EPHA6: variants seen among roughly 807,000 people sequenced by gnomAD.
EPHA6 encodes ephrin type-A receptor 6.
Under a neutral mutation model 112.0 loss-of-function variants are expected in EPHA6, and 50 were observed. The ratio of observed to expected loss-of-function variants is 0.45; its 90% CI spans 0.36 to 0.56. The LOEUF is 0.56. Among genes scored for constraint, EPHA6 ranks in the 20% least tolerant of loss-of-function variants. The pLI is 0.00. For missense variants in EPHA6, 1,280 were observed against 1,417.4 expected, an observed-to-expected ratio of 0.90 and a Z score of 1.56; for synonymous variants, 529 against 490.7, an observed-to-expected ratio of 1.08 and a Z score of -1.03.
chr3:96,896,771 G>A (rs990036813), intron 2 of EPHA6, among the ~76,000 whole-genome samples: 5 of 152,116 alleles, frequency 3.3e-5, no homozygotes, highest in African/African-American at 4.8e-5. Flanking sequence ...ATAACAAAAA[G>A]CAAGACTCTT....
rs1396473371 is a variant in EPHA6, at chr3:97,760,900, C to T, written c.*12199C>T. 1 of 191,950 alleles carries T rather than the reference C, an allele frequency of 5.2e-6. No homozygotes were observed. Among genetic ancestry groups the T allele is most frequent in the Non-Finnish European group, 1.1e-5 (1 of 91,698 alleles). 11.9% of individuals were successfully genotyped at this position (191,950 alleles called of 1,614,324 possible). On this transcript the variant is annotated 3_prime_UTR_variant, in exon 18 of 18. Coordinates refer to ENST00000389672, the MANE Select transcript of EPHA6 (RefSeq NM_001080448.3). ...TATTAATTAAGGATTTAACTCTGTACCCATCTGCTCTTACAAAAGGGGAAA... is the reference window on the plus strand; with the variant it reads ...TATTAATTAAGGATTTAACTCTGTATCCATCTGCTCTTACAAAAGGGGAAA...
chr3:97,017,346 C>T (rs575977181), intron 3 of EPHA6, among the ~76,000 whole-genome samples: 1 of 152,246 alleles, frequency 6.6e-6, no homozygotes, highest in East Asian at 1.9e-4. Flanking sequence ...CTCAGTAGTC[C>T]TTTGTAATAG....
At chr3:96,958,129 A>G (rs978935316) in intron 2 of EPHA6, among the ~76,000 whole-genome samples, 1 of 152,076 alleles carries the variant, frequency 6.6e-6, no homozygotes, top group Non-Finnish European at 1.5e-5. Flanking sequence ...CATCTCTACT[A>G]AAAATACAAA....
chr3:96,939,964 G>A (rs111584924), intron 2 of EPHA6, among the ~76,000 whole-genome samples: 2,053 of 152,244 alleles, frequency 0.013, 50 homozygotes, highest in African/African-American at 0.045. Flanking sequence ...TGTGGTCTGA[G>A]AGACAGTTTG....
intron 2 of EPHA6, among the ~76,000 whole-genome samples, chr3:96,962,349 A>G (rs962798268): frequency 6.6e-6 from 1 of 151,744 alleles, no homozygotes; most frequent in African/African-American, 2.4e-5. Flanking sequence ...TAACATGATA[A>G]GAATTGTGCT....
intron 10 of EPHA6, among the ~76,000 whole-genome samples, chr3:97,508,296 ATTTAGTGC>A (rs2092295992): frequency 1.3e-5 from 2 of 152,142 alleles, no homozygotes; most frequent in South Asian, 4.1e-4. Context: ...TCCTGTGGGC[ATTTAGTGC>A]TATAAATTCC....
At chr3:97,688,104 A>G (rs2032385461) in intron 14 of EPHA6, among the ~76,000 whole-genome samples, 1 of 152,194 alleles carries the variant, frequency 6.6e-6, no homozygotes, top group Non-Finnish European at 1.5e-5. Flanking sequence ...ATTATTGTGT[A>G]TTATTGTGTA....
intron 3 of EPHA6, among the ~76,000 whole-genome samples, chr3:97,200,168 C>A (rs532844107): frequency 1.3e-5 from 2 of 152,178 alleles, no homozygotes; most frequent in African/African-American, 4.8e-5. Flanking sequence ...CTCAGGCACT[C>A]AATCAAGTAT....
intron 3 of EPHA6, among the ~76,000 whole-genome samples, chr3:96,994,761 A>AGAGAGAGAGAGAGC (rs2043353407): frequency 7.3e-6 from 1 of 137,084 alleles, no homozygotes; most frequent in African/African-American, 2.8e-5. Context: ...AGAGAGAGAG[A>AGAGAGAGAGAGAGC]GCTATATATA....
intron 5 of EPHA6, among the ~76,000 whole-genome samples, chr3:97,379,751 C>CAAAAAAAAAA (rs71623570): frequency 6.5e-5 from 2 of 30,540 alleles, no homozygotes; most frequent in Non-Finnish European, 2.4e-4. Flanking sequence ...TCTGTCTCCC[C>CAAAAAAAAAA]AAAAAAAAAA....
rs149704372 is a variant in EPHA6 at position 97,759,574 on chromosome 3, T to G, written c.*10873T>G. 4.3e-6 allele frequency: 1 copy of G among 231,238 alleles called. No individual in the cohort carries two copies. Among genetic ancestry groups the G allele is most frequent in the East Asian group, 6.1e-5 (1 of 16,296 alleles). The allele number at this position is 231,238 out of a possible 1,614,324, so 14.3% of individuals were successfully genotyped here. ...CCTTGAGAGATAGAGGGGTTGCGAT[T>G]TAAAGCATAAGTAGGGAGGTTAATT... On this transcript the variant is annotated 3_prime_UTR_variant, in exon 18 of 18. Transcript: ENST00000389672.
At chr3:97,132,531 A>T (rs1306643855) in intron 3 of EPHA6, among the ~76,000 whole-genome samples, 2 of 151,988 alleles carry the variant, frequency 1.3e-5, no homozygotes, top group Non-Finnish European at 2.9e-5. Flanking sequence ...GGAGTTATTG[A>T]CATGTTTTCT....
intron 2 of EPHA6, among the ~76,000 whole-genome samples, chr3:96,886,826 T>G (rs1311475616): frequency 1.3e-5 from 2 of 152,206 alleles, no homozygotes; most frequent in African/African-American, 4.8e-5. Context: ...GATGTGTTTT[T>G]GGGATTTGTT....
At chr3:97,658,707 A>T (rs911897167) in intron 14 of EPHA6, among the ~76,000 whole-genome samples, 5 of 151,924 alleles carry the variant, frequency 3.3e-5, no homozygotes, top group Non-Finnish European at 7.4e-5. Flanking sequence ...TGAAATTCAT[A>T]TTCCACATTC....
intron 5 of EPHA6, among the ~76,000 whole-genome samples, chr3:97,312,420 A>G (rs1011207926): frequency 4.6e-5 from 7 of 151,582 alleles, no homozygotes; most frequent in Non-Finnish European, 1.0e-4. Context: ...CTGAAAATCT[A>G]AAATCCAAAA....
chr3:97,500,117 A>G (rs2092079012), intron 10 of EPHA6, among the ~76,000 whole-genome samples: 1 of 152,086 alleles, frequency 6.6e-6, no homozygotes, highest in African/African-American at 2.4e-5. Flanking sequence ...TTTGTTACAA[A>G]CTAAAACACA....
At chr3:97,446,389 A>G (rs1334821531) in intron 6 of EPHA6, among the ~76,000 whole-genome samples, 1 of 152,166 alleles carries the variant, frequency 6.6e-6, no homozygotes, top group African/African-American at 2.4e-5. Context: ...GGTAACAACA[A>G]AAATACTAAA....
chr3:97,078,176 G>C (rs1428459575), intron 3 of EPHA6, among the ~76,000 whole-genome samples: 1 of 152,096 alleles, frequency 6.6e-6, no homozygotes, highest in Admixed American at 6.6e-5. Flanking sequence ...ATGTCTGTTG[G>C]CTGCATAAAT....
rs140422224 is a variant in EPHA6 at position 97,009,169 on chromosome 3, A to G, written c.1114+21176A>G. 3.4e-3 allele frequency among the ~76,000 whole-genome samples: 511 copies of G among 152,156 alleles called. 18 individuals are homozygous for G. Among genetic ancestry groups the G allele is most frequent in the Admixed American group, 0.031 (471 of 15,280 alleles). On this transcript the variant is annotated intron_variant, in intron 3 of 17. Coordinates refer to ENST00000389672, the MANE Select transcript of EPHA6 (RefSeq NM_001080448.3). ...GGTGTGTTTTGCTGGAGGGAAACCC[A>G]CTAGTCTGGGCTGCCTGGATTCCTC...
Sources: gnomAD v4.1 joint callset for allele counts (sites outside exome capture counted in the v4.1 genomes callset) on GRCh38, gnomAD v4.1.1 for gene constraint, MANE v1.5 for transcripts, NCBI Gene and HGNC (gene_info 2026-07-23, HGNC 2026-07-21) for gene names.